The following CASK variants were observed in gnomAD, a reference collection of about 807,000 sequenced individuals.
The protein encoded by CASK is calcium/calmodulin dependent serine protein kinase.
A neutral mutation model predicts 82.9 loss-of-function variants in CASK; 4 were observed. The ratio of observed to expected loss-of-function variants is 0.05; its 90% CI spans 0.02 to 0.11. CASK has a LOEUF of 0.11. Among genes scored for constraint, CASK ranks in the 10% least tolerant of loss-of-function variants. The pLI is 1.00. For missense variants in CASK, 358 were observed against 720.9 expected, an observed-to-expected ratio of 0.50 and a Z score of 5.76; for synonymous variants, 259 against 253.5, an observed-to-expected ratio of 1.02 and a Z score of -0.20.
At chrX:41,604,922 G>A (rs2065939075) in intron 12 of CASK, among the ~76,000 whole-genome samples, 1 of 112,119 alleles carries the variant, frequency 8.9e-6, no homozygotes, top group South Asian at 3.7e-4. Context: ...AAGGTTTTCA[G>A]AAAGCATTTC....
intron 1 of CASK, among the ~76,000 whole-genome samples, chrX:41,872,968 C>T (rs2071731283): frequency 9.0e-6 from 1 of 111,006 alleles, no homozygotes; most frequent in African/African-American, 3.3e-5. Flanking sequence ...CTTCCTGTGT[C>T]CTCATATAAT....
chrX:41,781,568 TA>T (rs1602615101), intron 3 of CASK, among the ~76,000 whole-genome samples: 1 of 112,180 alleles, frequency 8.9e-6, no homozygotes, highest in Non-Finnish European at 1.9e-5. Flanking sequence ...AGATAACCCA[TA>T]ACCTGAGCAA....
rs1035316166 is a variant in CASK, at chrX:41,551,122, T to C, written c.2039+2597A>G. 3.6e-5 allele frequency among the ~76,000 whole-genome samples: 4 copies of C among 111,757 alleles called. No individual in the cohort carries two copies. The East Asian group carries it at 1.1e-3, about 31-fold the overall frequency. ...AGGATGAAGTTAGTGGGGGTTAGGA[T>C]AAAAGTGTTTGCCTTCAGAGACTTT... is the stretch of plus-strand genomic sequence containing the variant. On this transcript the variant is annotated intron_variant, in intron 21 of 26. Coordinates refer to ENST00000378163, the MANE Select transcript of CASK (RefSeq NM_001367721.1).
At chrX:41,735,820 C>G (rs2068484616) in intron 5 of CASK, among the ~76,000 whole-genome samples, 1 of 111,320 alleles carries the variant, frequency 9.0e-6, no homozygotes, top group Non-Finnish European at 1.9e-5. Context: ...GCTCAGATAT[C>G]ATCATCTCAA....
At chrX:41,874,631 C>G (rs1569474649) in intron 1 of CASK, among the ~76,000 whole-genome samples, 1 of 112,254 alleles carries the variant, frequency 8.9e-6, no homozygotes, top group Non-Finnish European at 1.9e-5. Flanking sequence ...ATCTGCAATA[C>G]AAACAATCCA....
intron 21 of CASK, among the ~76,000 whole-genome samples, chrX:41,551,903 A>C (rs982849321): frequency 8.1e-4 from 86 of 106,663 alleles, no homozygotes; most frequent in African/African-American, 2.8e-3. Context: ...AAAAAAAAAA[A>C]AATTGGTCAC....
intron 5 of CASK, among the ~76,000 whole-genome samples, chrX:41,734,582 CTTAA>C (rs1314609354): frequency 1.8e-5 from 2 of 111,885 alleles, no homozygotes; most frequent in African/African-American, 6.5e-5. Flanking sequence ...ATATGCATGC[CTTAA>C]TTAATACCTG....
At chrX:41,812,046 T>C (rs927752227) in intron 2 of CASK, among the ~76,000 whole-genome samples, 6 of 111,101 alleles carry the variant, frequency 5.4e-5, no homozygotes, top group African/African-American at 1.6e-4. Flanking sequence ...CAGGAAGAAG[T>C]TGAATCCCTG....
At chrX:41,653,581 C>T (rs879178763) in intron 8 of CASK, among the ~76,000 whole-genome samples, 1 of 111,773 alleles carries the variant, frequency 8.9e-6, no homozygotes, top group South Asian at 3.7e-4. Flanking sequence ...TTCAAGCTGA[C>T]CCCCAAAGGA....
intron 2 of CASK, among the ~76,000 whole-genome samples, chrX:41,831,779 T>C (rs1305005185): frequency 9.0e-6 from 1 of 110,606 alleles, no homozygotes; most frequent in African/African-American, 3.3e-5. Context: ...GCCAAGATGG[T>C]GAAACCCTGT....
chrX:41,572,022 A>G (rs926328789), intron 15 of CASK, among the ~76,000 whole-genome samples: 3 of 111,194 alleles, frequency 2.7e-5, no homozygotes, highest in Non-Finnish European at 5.7e-5. Context: ...TTTGATATCA[A>G]TAAAGCTACT....
At chrX:41,762,540 TG>T (rs2069020856) in intron 3 of CASK, among the ~76,000 whole-genome samples, 1 of 111,976 alleles carries the variant, frequency 8.9e-6, no homozygotes, top group Non-Finnish European at 1.9e-5. Flanking sequence ...TACATCTATC[TG>T]AGGTTACAAT....
chrX:41,693,380 G>A (rs946958373), intron 5 of CASK, among the ~76,000 whole-genome samples: 3 of 111,413 alleles, frequency 2.7e-5, no homozygotes, highest in Non-Finnish European at 5.6e-5. Flanking sequence ...TTGGGAGGCC[G>A]AAGTGGGCAG....
At chrX:41,529,220 C>T (rs1394468449) in intron 25 of CASK, among the ~76,000 whole-genome samples, 1 of 111,382 alleles carries the variant, frequency 9.0e-6, no homozygotes, top group Admixed American at 9.5e-5. Flanking sequence ...GAGTGCCCAG[C>T]CGGGGTGAGG....
chrX:41,821,020 C>T (rs1015966818), intron 2 of CASK, among the ~76,000 whole-genome samples: 6 of 110,870 alleles, frequency 5.4e-5, no homozygotes, highest in Non-Finnish European at 7.6e-5. Flanking sequence ...ACAAATTTGA[C>T]GTAGGTGAAA....
intron 5 of CASK, among the ~76,000 whole-genome samples, chrX:41,731,086 C>T (rs929183651): frequency 1.8e-5 from 2 of 112,237 alleles, no homozygotes; most frequent in Non-Finnish European, 3.8e-5. Context: ...ATAAGCTATA[C>T]TGCATGTAAT....
In CASK at chrX:41,759,511, T is replaced by A. The variant is rs148117649; in HGVS notation, c.279-13910A>T. The stretch of plus-strand genomic sequence containing the variant: ...TGCAAATATCTGCCATTTTTAGCTT[T>A]TATAGTAGAATATGGGATTTTTTCC... On this transcript the variant is annotated intron_variant, in intron 3 of 26. Coordinates refer to ENST00000378163, the MANE Select transcript of CASK (RefSeq NM_001367721.1). Among the ~76,000 whole-genome samples the A allele has an allele frequency of 1.2e-3, 132 of 111,550 alleles. 2 individuals carry two copies. The highest frequency in any genetic ancestry group is 4.2e-3 in the African/African-American group (128 of 30,682).
intron 2 of CASK, among the ~76,000 whole-genome samples, chrX:41,817,692 G>A (rs750988935): frequency 1.8e-3 from 204 of 110,943 alleles, no homozygotes; most frequent in African/African-American, 5.4e-3. Flanking sequence ...TTGTAAGACT[G>A]TAGAATACAA....
chrX:41,725,999 A>G (rs1407190660), intron 5 of CASK, among the ~76,000 whole-genome samples: 1 of 112,559 alleles, frequency 8.9e-6, no homozygotes, highest in Non-Finnish European at 1.9e-5. Flanking sequence ...CTCCAGGCAC[A>G]TGCCAGGATG....
Sources: gnomAD v4.1 joint callset for allele counts (sites outside exome capture counted in the v4.1 genomes callset) on GRCh38, gnomAD v4.1.1 for gene constraint, MANE v1.5 for transcripts, NCBI Gene and HGNC (gene_info 2026-07-23, HGNC 2026-07-21) for gene names.